The following NCOA1 variants were observed in gnomAD, a reference collection of about 807,000 sequenced individuals.
NCOA1 encodes Hin-2 protein.
NCOA1 carries 35 observed loss-of-function variants against 150.9 expected under a neutral mutation model. That is an observed-to-expected ratio of 0.23 (90% CI 0.18 to 0.31). The LOEUF is 0.31. Among genes scored for constraint, NCOA1 ranks in the 10% least tolerant of loss-of-function variants. The pLI, the probability that NCOA1 is intolerant of heterozygous loss-of-function variation, is 1.00. For synonymous variants in NCOA1, 590 were observed against 630.0 expected (o/e 0.94, Z 0.95); for missense variants, 1,491 against 1,749.3 (o/e 0.85, Z 2.63).
intron 1 of NCOA1, among the ~76,000 whole-genome samples, chr2:24,559,948 C>G (rs1379432737): frequency 6.6e-6 from 1 of 152,128 alleles, no homozygotes; most frequent in Non-Finnish European, 1.5e-5. Context: ...ATTTTCTGTT[C>G]TTCTCCTAGT....
intron 1 of NCOA1, among the ~76,000 whole-genome samples, chr2:24,521,797 A>G (rs1664427776): frequency 1.3e-5 from 2 of 152,142 alleles, no homozygotes; most frequent in African/African-American, 2.4e-5. Context: ...TTTTTTGAGG[A>G]ACCTCCCTAC....
At chr2:24,736,945 G>GA (rs1214025346) in intron 17 of NCOA1, among the ~76,000 whole-genome samples, 2 of 152,184 alleles carry the variant, frequency 1.3e-5, no homozygotes, top group African/African-American at 4.8e-5. Context: ...GCACTGGGAA[G>GA]AAAATCCATT....
intron 3 of NCOA1, among the ~76,000 whole-genome samples, chr2:24,639,740 T>G (rs761701063): frequency 1.8e-4 from 27 of 151,182 alleles, no homozygotes; most frequent in Non-Finnish European, 3.0e-4. Flanking sequence ...TACAAAAAAT[T>G]AGCTGGGCAT....
chr2:24,630,607 C>T (rs1219558004), intron 3 of NCOA1, among the ~76,000 whole-genome samples: 1 of 152,172 alleles, frequency 6.6e-6, no homozygotes, highest in Non-Finnish European at 1.5e-5. Flanking sequence ...GGAATTCTTG[C>T]TCTGGCCACA....
chr2:24,521,826 T>C (rs771561683), intron 1 of NCOA1, among the ~76,000 whole-genome samples: 32 of 152,198 alleles, frequency 2.1e-4, no homozygotes, highest in Non-Finnish European at 4.1e-4. Flanking sequence ...ATAATGGCTG[T>C]ACCAATTTAC....
At chr2:24,562,216 C>T (rs1666320571) in intron 1 of NCOA1, among the ~76,000 whole-genome samples, 2 of 152,110 alleles carry the variant, frequency 1.3e-5, no homozygotes, top group South Asian at 4.1e-4. Context: ...TAAAAGTAAG[C>T]AAGAGAAATA....
Position 24,499,792 on chromosome 2 carries a change from T to C in NCOA1, c.-396+8190T>C, listed in dbSNP as rs372625957. On this transcript the variant is annotated intron_variant, in intron 1 of 22. Coordinates refer to ENST00000348332, the MANE Select transcript of NCOA1 (RefSeq NM_003743.5). The stretch of plus-strand genomic sequence containing the variant: ...AGGCAGGATGTGTCTTGAGGAGTCT[T>C]GGACCTTGTTCCAGCCCTGTCTATT... Among the ~76,000 whole-genome samples the C allele has an allele frequency of 1.1e-4, 17 of 152,354 alleles. No homozygotes were observed. In the East Asian group the frequency reaches 2.9e-3, roughly 26 times the overall value.
chr2:24,724,508 C>G (rs1674513753), intron 14 of NCOA1, among the ~76,000 whole-genome samples: 1 of 151,790 alleles, frequency 6.6e-6, no homozygotes, highest in African/African-American at 2.4e-5. Flanking sequence ...CCAAACAAAA[C>G]TTTTTTTTGA....
rs566150233 is a variant in NCOA1 at position 24,769,728 on chromosome 2, C to T, written c.*1337C>T. 1 of 220,836 alleles carries T rather than the reference C, an allele frequency of 4.5e-6. No individual in the cohort carries two copies. The highest frequency in any genetic ancestry group is 1.8e-4 in the South Asian group (1 of 5,426). 13.7% of individuals were successfully genotyped at this position (220,836 alleles called of 1,614,324 possible). The stretch of plus-strand genomic sequence containing the variant: ...GTGACTCTGCCACATCCCATCTCAT[C>T]CTGGCCTCTGAGTCAAGAACCCAGT... On this transcript the variant is annotated 3_prime_UTR_variant, in exon 23 of 23. Coordinates refer to ENST00000348332, the MANE Select transcript of NCOA1 (RefSeq NM_003743.5).
chr2:24,592,731 G>GT (rs912505253), intron 3 of NCOA1, among the ~76,000 whole-genome samples: 2 of 151,710 alleles, frequency 1.3e-5, no homozygotes, highest in African/African-American at 2.4e-5. Context: ...GCTTACTGAG[G>GT]TTTTTTTCCC....
chr2:24,528,362 T>TC lies in NCOA1; in HGVS notation c.-395-35932dup, dbSNP rs34145710. 1.2e-3 allele frequency among the ~76,000 whole-genome samples: 177 copies of TC among 150,864 alleles called. 2 individuals carry two copies. The highest frequency in any genetic ancestry group is 7.6e-3 in the East Asian group (39 of 5,142). ...TTTCATTCTTTTTTTTTTTTTTTTTTCTGAGACAAGGTCTTGCTTTGTTGC... is the reference window on the plus strand; with the variant it reads ...TTTCATTCTTTTTTTTTTTTTTTTTTCCTGAGACAAGGTCTTGCTTTGTTGC... On this transcript the variant is annotated intron_variant, in intron 1 of 22. Transcript: ENST00000348332.
rs1318288534 is a variant in NCOA1 at position 24,706,781 on chromosome 2, C to T, written c.1311C>T (p.Ser437=). 6.2e-7 allele frequency: 1 copy of T among 1,614,132 alleles called. No homozygotes were observed. The part of the protein sequence containing the change: ...HSSSHSNSSN[S]QGSFGCSPGS... Reference sequence around the variant, plus strand: ...GCAGTCATAGTAATTCTAGCAACAGCCAAGGAAGTTTCGGATGCTCACCCG... The same window carrying T: ...GCAGTCATAGTAATTCTAGCAACAGTCAAGGAAGTTTCGGATGCTCACCCG... Residue 437 remains serine, a synonymous_variant, in exon 13 of 23, where the codon AGC becomes AGT. Coordinates refer to ENST00000348332, the MANE Select transcript of NCOA1 (RefSeq NM_003743.5).
chr2:24,680,688 T>A (rs1044460372), intron 7 of NCOA1, among the ~76,000 whole-genome samples: 1 of 152,120 alleles, frequency 6.6e-6, no homozygotes, highest in Non-Finnish European at 1.5e-5. Flanking sequence ...TAACAATTAT[T>A]TTATACCTGA....
In NCOA1 at chr2:24,657,847, G is replaced by A. The variant is rs536248442; in HGVS notation, c.-17-814G>A. ...ATGGAGTAAAAGAGAATGGTGAAGT[G>A]TGTTGTTTGGCACTAATAAAATCCA... On this transcript the variant is annotated intron_variant, in intron 4 of 22. Transcript: ENST00000348332. Among the ~76,000 whole-genome samples the A allele has an allele frequency of 8.5e-5, 13 of 152,308 alleles. No individual in the cohort carries two copies. The East Asian group carries it at 2.5e-3, about 29-fold the overall frequency.
intron 1 of NCOA1, among the ~76,000 whole-genome samples, chr2:24,520,020 A>G (rs181442032): frequency 1.3e-5 from 2 of 152,318 alleles, no homozygotes; most frequent in Non-Finnish European, 2.9e-5. Flanking sequence ...AAGATAATAA[A>G]CATAATTAAT....
chr2:24,597,144 G>A (rs910253755), intron 3 of NCOA1, among the ~76,000 whole-genome samples: 24 of 152,210 alleles, frequency 1.6e-4, no homozygotes, highest in Middle Eastern at 3.4e-3. Flanking sequence ...GGGTTCTATT[G>A]ATATAGGAAC....
chr2:24,514,320 AAG>A (rs1491463013), intron 1 of NCOA1, among the ~76,000 whole-genome samples: 2 of 151,140 alleles, frequency 1.3e-5, no homozygotes, highest in Non-Finnish European at 2.9e-5. Flanking sequence ...AAAAAACAAA[AAG>A]AAAAAAAGAA....
At chr2:24,760,448 C>T (rs1235968084) in intron 21 of NCOA1, among the ~76,000 whole-genome samples, 4 of 151,856 alleles carry the variant, frequency 2.6e-5, no homozygotes, top group Non-Finnish European at 4.4e-5. Flanking sequence ...TGAGCCACCG[C>T]GCCCGGCCTT....
At chr2:24,606,833 A>G (rs1218609284) in intron 3 of NCOA1, among the ~76,000 whole-genome samples, 2 of 152,344 alleles carry the variant, frequency 1.3e-5, no homozygotes, top group South Asian at 2.1e-4. Flanking sequence ...ATTTGAAAAA[A>G]TCATATGCAT....
Sources: gnomAD v4.1 joint callset for allele counts (sites outside exome capture counted in the v4.1 genomes callset) on GRCh38, gnomAD v4.1.1 for gene constraint, MANE v1.5 for transcripts, NCBI Gene and HGNC (gene_info 2026-07-23, HGNC 2026-07-21) for gene names.